Variants in MUC4 observed in about 807,000 individuals in gnomAD.
MUC4 encodes the protein mucin 4, cell surface associated.
In MUC4, 202 loss-of-function variants were observed where a neutral mutation model predicts 257.9. The observed-to-expected ratio is 0.78, with a 90% CI of 0.70 to 0.88. The LOEUF (loss-of-function observed/expected upper bound fraction) is 0.88. MUC4 is among the 40% of genes least tolerant of loss of function. The probability of loss-of-function intolerance (pLI) is 0.00; values close to 1 mark genes in which losing one functional copy is unlikely to be tolerated. For synonymous variants in MUC4, 2,351 were observed against 2,757.1 expected (o/e 0.85, Z 4.62); for missense variants, 5,976 against 6,513.7 (o/e 0.92, Z 2.84).
rs756736459 is a variant in MUC4, at chr3:195,771,700, G to A, written c.13194C>T (p.Phe4398=). Residue 4398 remains phenylalanine (F), a synonymous_variant, in exon 5 of 25, where the codon TTC becomes TTT. Coordinates refer to ENST00000463781, the MANE Select transcript of MUC4 (RefSeq NM_018406.7). ...CAGTGGAGAAGTCAGCATCGTCCCA[G>A]AACGGAGCCACCAGGGCCACAGGGT... ...GRDPVALVAP[F]WDDADFSTGR... The A allele has an allele frequency of 1.9e-6, 3 of 1,613,960 alleles. No individual in the cohort carries two copies. In the South Asian group the frequency reaches 3.3e-5, roughly 18 times the overall value.
chr3:195,765,719 T>C (rs560189182), intron 8 of MUC4, among the ~76,000 whole-genome samples: 1 of 152,232 alleles, frequency 6.6e-6, no homozygotes, highest in Non-Finnish European at 1.5e-5. Context: ...GGCTAAAATG[T>C]CCTTCAACCT....
intron 13 of MUC4, 75 bp from the exon 14 acceptor site, chr3:195,762,329 C>T (rs1560245285): frequency 7.0e-6 from 10 of 1,429,202 alleles, no homozygotes; most frequent in South Asian, 5.4e-5. Flanking sequence ...CCCTGCCGGG[C>T]CCGCACCACC....
chr3:195,782,192 A>G lies in MUC4; in HGVS notation c.9388T>C (p.Ser3130Pro). 7.2e-7 allele frequency: 1 copy of G among 1,386,358 alleles called. No individual in the cohort carries two copies. The highest frequency in any genetic ancestry group is 9.5e-7 in the Non-Finnish European group (1 of 1,047,244). The allele number at this position is 1,386,358 out of a possible 1,614,324, so 85.9% of individuals were successfully genotyped here. ...GGAAGAGCGGTGGCCTGACCTGTGG[A>G]TGCTGAGGAAGTGTCGGTGACAGGA... ...PLPVTDTSSASTGQATALPVT... is the reference protein window; with the variant it reads ...PLPVTDTSSAPTGQATALPVT... Residue 3130 changes from serine (S) to proline (P), a missense_variant, in exon 2 of 25, where the codon TCC becomes CCC. Transcript: ENST00000463781.
intron 18 of MUC4, among the ~76,000 whole-genome samples, chr3:195,754,734 C>A (rs994885600): frequency 2.7e-5 from 4 of 150,830 alleles, no homozygotes; most frequent in Admixed American, 2.0e-4. Context: ...ATGAATGTAT[C>A]CATGTATAGA....
chr3:195,765,257 A>G lies in MUC4; in HGVS notation c.13798+13T>C. 1.2e-6 allele frequency: 2 copies of G among 1,601,532 alleles called. No individual in the cohort carries two copies. The highest frequency in any genetic ancestry group is 1.7e-6 in the Non-Finnish European group (2 of 1,171,742). On this transcript the variant is annotated intron_variant, in intron 9 of 24. Coordinates refer to ENST00000463781, the MANE Select transcript of MUC4 (RefSeq NM_018406.7). ...GGTGGGTGGGCTTGTGGGGGGCGGG[A>G]AGGAGGTGTCACCTATGCTGACGGG... is the stretch of plus-strand genomic sequence containing the variant.
intron 1 of MUC4, among the ~76,000 whole-genome samples, chr3:195,804,121 G>A (rs1735686832): frequency 6.6e-6 from 1 of 152,206 alleles, no homozygotes; most frequent in South Asian, 2.1e-4. Context: ...CCAGGGACGA[G>A]GAGGGCACTG....
At chr3:195,767,826 CCACCAT>C (rs1221411419) in intron 7 of MUC4, among the ~76,000 whole-genome samples, 6 of 110,906 alleles carry the variant, frequency 5.4e-5, no homozygotes, top group Non-Finnish European at 1.3e-4. Context: ...ACCACCACCA[CCACCAT>C]CACCACCACC....
chr3:195,799,259 GTGACAC>G (rs1734988572), intron 1 of MUC4, among the ~76,000 whole-genome samples: 1 of 130,890 alleles, frequency 7.6e-6, no homozygotes, highest in Non-Finnish European at 1.7e-5. Context: ...GTGTGTGTGT[GTGACAC>G]TGTGTGTGTG....
Position 195,786,840 on chromosome 3 carries a change from A to C in MUC4, c.4740T>G (p.Gly1580=). ...CGGTGACAGGAAGAGGGGTGGTGTG[A>C]CCTGTAGATGCTGAGGAAGGGCTGG... is the stretch of plus-strand genomic sequence containing the variant. ...PVTSPSSAST[G]HTTPLPVTDT... is the part of the protein sequence containing the mutation. Residue 1580 remains glycine (G), a synonymous_variant, in exon 2 of 25, where the codon GGT becomes GGG. Transcript: ENST00000463781. The C allele has an allele frequency of 6.5e-7, 1 of 1,527,570 alleles. No homozygotes were observed. Among genetic ancestry groups the C allele is most frequent in the Non-Finnish European group, 8.8e-7 (1 of 1,133,972 alleles). The allele number at this position is 1,527,570 out of a possible 1,614,324, so 94.6% of individuals were successfully genotyped here. A position where few individuals can be genotyped will look rare whatever the true frequency, so the allele number is the denominator to read the frequency against.
chr3:195,747,083 C>T lies in MUC4; in HGVS notation c.*93G>A, dbSNP rs1715174383. On this transcript the variant is annotated 3_prime_UTR_variant, in exon 25 of 25. Coordinates refer to ENST00000463781, the MANE Select transcript of MUC4 (RefSeq NM_018406.7). ...AAGAATCCTGACAGCCTTCAGTCAC[C>T]TTCCCTTTTCCAGTCTCCCAAAAGC... 15 of 1,512,324 alleles carry T rather than the reference C, an allele frequency of 9.9e-6. No homozygotes were observed. In the South Asian group the frequency reaches 1.6e-4, roughly 16 times the overall value. The allele number at this position is 1,512,324 out of a possible 1,614,324, so 93.7% of individuals were successfully genotyped here.
rs1259195687 is a variant in MUC4 at position 195,790,162 on chromosome 3, G to T, written c.1418C>A (p.Pro473Gln). Reference sequence around the variant, plus strand: ...AGTAAATATTTCTTGAGACACACCTGGAGAGAATGAGCTCCTCTCATGAGG... The same window carrying T: ...AGTAAATATTTCTTGAGACACACCTTGAGAGAATGAGCTCCTCTCATGAGG... Reference protein sequence around the residue: ...GRPHERSSFSPGVSQEIFTLH... With the variant: ...GRPHERSSFSQGVSQEIFTLH... The change falls in exon 2 of 25, where the codon CCA (proline) becomes CAA (glutamine). Residue 473 changes from proline (P) to glutamine (Q), a missense_variant. Physicochemically the swap from Pro to Gln is moderately conservative, Grantham distance 76 (BLOSUM62 -1). Transcript: ENST00000463781. 6.2e-7 allele frequency: 1 copy of T among 1,614,040 alleles called. No individual in the cohort carries two copies. The highest frequency in any genetic ancestry group is 1.3e-5 in the African/African-American group (1 of 75,066).
intron 1 of MUC4, among the ~76,000 whole-genome samples, chr3:195,808,950 C>T (rs1034904875): frequency 3.3e-5 from 5 of 152,148 alleles, no homozygotes; most frequent in Admixed American, 2.6e-4. Context: ...GCGCTGTGGC[C>T]GGCGTCCCCT....
At chr3:195,759,745 C>T (rs139146163) in intron 16 of MUC4, among the ~76,000 whole-genome samples, 49 of 152,254 alleles carry the variant, frequency 3.2e-4, no homozygotes, top group African/African-American at 1.1e-3. Context: ...CATGGTGAAA[C>T]CCTGTCTCTA....
Position 195,762,962 on chromosome 3 carries a change from G to T in MUC4, c.14254-17C>A, listed in dbSNP as rs554005756. The T allele has an allele frequency of 1.2e-5, 18 of 1,535,720 alleles. No homozygotes were observed. Among genetic ancestry groups the T allele is most frequent in the Admixed American group, 9.7e-5 (5 of 51,418 alleles). On this transcript the variant is annotated splice_polypyrimidine_tract_variant and intron_variant, in intron 12 of 24. Coordinates refer to ENST00000463781, the MANE Select transcript of MUC4 (RefSeq NM_018406.7). Reference sequence around the variant, plus strand: ...CCATTGGACCTGGAAGGAGATGGGAGGGGGCCTGAGCCCGACCCGCAGGTG... The same window carrying T: ...CCATTGGACCTGGAAGGAGATGGGATGGGGCCTGAGCCCGACCCGCAGGTG...
At chr3:195,761,746 C>T (rs1031922628) in intron 14 of MUC4, among the ~76,000 whole-genome samples, 161 bp from the exon 15 acceptor site, 4 of 152,180 alleles carry the variant, frequency 2.6e-5, no homozygotes, top group African/African-American at 9.6e-5. Flanking sequence ...GCCCTCACAC[C>T]CTGCCCGTCT....
At chr3:195,808,581 C>A (rs1273698547) in intron 1 of MUC4, among the ~76,000 whole-genome samples, 5 of 152,202 alleles carry the variant, frequency 3.3e-5, no homozygotes, top group Non-Finnish European at 7.3e-5. Context: ...AGCCCCTTCC[C>A]CCTGGGCTCA....
chr3:195,753,258 C>T, intron 19 of MUC4, 28 bp from the exon 20 acceptor site: 6 of 1,610,132 alleles, frequency 3.7e-6, no homozygotes, highest in Non-Finnish European at 5.1e-6. Context: ...AGGTCAGCAG[C>T]AGCGCGCAGG....
intron 4 of MUC4, among the ~76,000 whole-genome samples, chr3:195,773,770 A>C (rs1480723438): frequency 6.6e-6 from 1 of 152,052 alleles, no homozygotes; most frequent in African/African-American, 2.4e-5. Context: ...CACCCTCTCC[A>C]TCGCTCAGTC....
chr3:195,754,694 T>C (rs1236900315), intron 18 of MUC4, among the ~76,000 whole-genome samples: 1 of 152,226 alleles, frequency 6.6e-6, no homozygotes, highest in Non-Finnish European at 1.5e-5. Flanking sequence ...AGATGGGGGA[T>C]GCATGAATGA....
Sources: allele counts gnomAD v4.1 joint callset (sites outside exome capture counted in the v4.1 genomes callset), GRCh38; gene constraint gnomAD v4.1.1; transcripts MANE v1.5; gene names NCBI Gene and HGNC (gene_info 2026-07-23, HGNC 2026-07-21).